The following ITGB5 variants were observed in gnomAD, a reference collection of about 807,000 sequenced individuals.
The protein encoded by ITGB5 is integrin subunit beta 5, also known as integrin beta-5.
A neutral mutation model predicts 84.8 loss-of-function variants in ITGB5; 38 were observed. The observed-to-expected ratio is 0.45, with a 90% confidence interval of 0.35 to 0.59. The LOEUF (loss-of-function observed/expected upper bound fraction) is 0.59, where lower values mean the gene tolerates loss of function less well. Ranked by LOEUF, ITGB5 falls within the 20% of genes least tolerant of loss-of-function variation. ITGB5 has a pLI of 0.01. For synonymous variants in ITGB5, 393 were observed against 414.4 expected, an observed-to-expected ratio of 0.95 and a Z score of 0.63; for missense variants, 905 against 1,034.5, an observed-to-expected ratio of 0.87 and a Z score of 1.72.
At chr3:124,782,552 A>T (rs2064019763) in intron 10 of ITGB5, among the ~76,000 whole-genome samples, 1 of 152,212 alleles carries the variant, frequency 6.6e-6, no homozygotes, top group South Asian at 2.1e-4. Flanking sequence ...AAGTGTAGAC[A>T]ACTGTTTTAA....
intron 2 of ITGB5, among the ~76,000 whole-genome samples, chr3:124,871,941 C>A (rs1934078049): frequency 6.6e-6 from 1 of 152,056 alleles, no homozygotes. Flanking sequence ...CCGGGAAGAT[C>A]AGGCAGGGTT....
intron 2 of ITGB5, among the ~76,000 whole-genome samples, chr3:124,869,376 G>A (rs561065385): frequency 6.6e-6 from 1 of 152,254 alleles, no homozygotes; most frequent in African/African-American, 2.4e-5. Flanking sequence ...AGGAGTTTGA[G>A]ACCAGCCTGG....
chr3:124,786,404 T>TAA (rs879527219), intron 10 of ITGB5, among the ~76,000 whole-genome samples: 9 of 142,048 alleles, frequency 6.3e-5, no homozygotes, highest in African/African-American at 2.1e-4. Context: ...CCCTGTCTCT[T>TAA]AAAAAAAAAA....
intron 10 of ITGB5, among the ~76,000 whole-genome samples, chr3:124,789,447 G>A (rs868471355): frequency 2.1e-4 from 26 of 125,680 alleles, no homozygotes; most frequent in African/African-American, 7.6e-4. Context: ...TATCAGAACC[G>A]CCTCTGACTA....
chr3:124,773,424 G>A (rs567922197), intron 11 of ITGB5, among the ~76,000 whole-genome samples: 7 of 152,328 alleles, frequency 4.6e-5, no homozygotes, highest in South Asian at 4.1e-4. Flanking sequence ...CTGTGATTTC[G>A]TGATTTCTAA....
At chr3:124,852,589 T>G (rs2065172757) in intron 3 of ITGB5, among the ~76,000 whole-genome samples, 1 of 152,172 alleles carries the variant, frequency 6.6e-6, no homozygotes, top group Non-Finnish European at 1.5e-5. Context: ...CTTTCTTCTC[T>G]TTGCCTTCCC....
intron 10 of ITGB5, among the ~76,000 whole-genome samples, chr3:124,779,986 C>T (rs913458595): frequency 1.3e-5 from 2 of 152,286 alleles, no homozygotes; most frequent in Middle Eastern, 3.4e-3. Flanking sequence ...GGGAGCTGCT[C>T]GGCCAGTCTG....
chr3:124,784,955 T>C (rs756048840), intron 10 of ITGB5, among the ~76,000 whole-genome samples: 8 of 152,246 alleles, frequency 5.3e-5, no homozygotes, highest in Admixed American at 2.0e-4. Flanking sequence ...AGAGACTAGC[T>C]GCCTTCTCAA....
chr3:124,896,655 G>T (rs1204812492), intron 1 of ITGB5, among the ~76,000 whole-genome samples: 1 of 149,356 alleles, frequency 6.7e-6, no homozygotes, highest in African/African-American at 2.5e-5. Flanking sequence ...TGAGGTGGAA[G>T]AATTGCTTAA....
At chr3:124,802,959 C>T (rs1401417597) in intron 9 of ITGB5, among the ~76,000 whole-genome samples, 2 of 152,150 alleles carry the variant, frequency 1.3e-5, no homozygotes, top group Non-Finnish European at 2.9e-5. Flanking sequence ...CAGCTCGGGT[C>T]AGTTGCCTAG....
At chr3:124,861,495 TACAC>T (rs1553766077) in intron 2 of ITGB5, among the ~76,000 whole-genome samples, 10 of 112,012 alleles carry the variant, frequency 8.9e-5, no homozygotes, top group Admixed American at 4.2e-4. Context: ...TATATATATA[TACAC>T]ACACACACAC....
At chr3:124,810,037 T>C (rs975299585) in intron 8 of ITGB5, among the ~76,000 whole-genome samples, 1 of 152,082 alleles carries the variant, frequency 6.6e-6, no homozygotes, top group Non-Finnish European at 1.5e-5. Flanking sequence ...CAAAAAGACA[T>C]GGACAAGAAT....
chr3:124,847,076 AC>A (rs2065088289), intron 4 of ITGB5, among the ~76,000 whole-genome samples: 1 of 152,220 alleles, frequency 6.6e-6, no homozygotes, highest in Non-Finnish European at 1.5e-5. Context: ...GCTTACACTT[AC>A]CTTAGAGACC....
chr3:124,774,300 T>TAAG (rs1553753634), intron 10 of ITGB5, among the ~76,000 whole-genome samples: 1 of 152,084 alleles, frequency 6.6e-6, no homozygotes, highest in Non-Finnish European at 1.5e-5. Flanking sequence ...CAGATGAGAT[T>TAAG]AAGTTAAGGA....
At chr3:124,811,683 A>G (rs1579235149) in intron 8 of ITGB5, among the ~76,000 whole-genome samples, 1 of 152,244 alleles carries the variant, frequency 6.6e-6, no homozygotes, top group East Asian at 1.9e-4. Context: ...TACTCAGGCC[A>G]TAAGCCCCAT....
intron 5 of ITGB5, among the ~76,000 whole-genome samples, chr3:124,824,021 T>G (rs112025466): frequency 3.3e-5 from 5 of 152,314 alleles, no homozygotes; most frequent in South Asian, 2.1e-4. Context: ...TGCAAATTGG[T>G]TTATAGATTT....
At chr3:124,844,241 C>CA (rs1251511705) in intron 4 of ITGB5, among the ~76,000 whole-genome samples, 3 of 131,006 alleles carry the variant, frequency 2.3e-5, no homozygotes, top group Non-Finnish European at 4.9e-5. Context: ...AAGAAAACAC[C>CA]AAAAAACAAA....
chr3:124,842,730 T>C (rs546238182), intron 4 of ITGB5, among the ~76,000 whole-genome samples: 2 of 152,286 alleles, frequency 1.3e-5, no homozygotes, highest in East Asian at 3.9e-4. Context: ...TCAAGCTGCA[T>C]ACATGGGAAA....
chr3:124,873,210 A>G (rs892682481), intron 2 of ITGB5, among the ~76,000 whole-genome samples: 2 of 152,236 alleles, frequency 1.3e-5, no homozygotes, highest in Non-Finnish European at 2.9e-5. Flanking sequence ...AGGGAAGGAA[A>G]GTCTTGTTTC....
Sources: allele counts gnomAD v4.1 joint callset (sites outside exome capture counted in the v4.1 genomes callset), GRCh38; gene constraint gnomAD v4.1.1; transcripts MANE v1.5; gene names NCBI Gene and HGNC (gene_info 2026-07-23, HGNC 2026-07-21).